Variants in QTMAN observed in about 807,000 individuals in gnomAD.
QTMAN encodes tRNA-queuosine alpha-mannosyltransferase.
chr2:143,951,712 C>T, the QTMAN span, among the ~76,000 whole-genome samples: 2 of 151,270 alleles, frequency 1.3e-5, no homozygotes, highest in Admixed American at 6.6e-5. Flanking sequence ...TTTTATAAGC[C>T]TCTAGGGGCT....
At chr2:144,161,748 A>G in the QTMAN span, among the ~76,000 whole-genome samples, 1 of 152,224 alleles carries the variant, frequency 6.6e-6, no homozygotes. Context: ...TATTATGGCA[A>G]TACCTGTGTA....
chr2:143,942,009 G>T, the QTMAN span: 1 of 159,888 alleles, frequency 6.3e-6, no homozygotes, highest in African/African-American at 2.4e-5. Context: ...TAAATTTTCA[G>T]ATCTAAAGGA....
At chr2:144,124,585 C>T in the QTMAN span, among the ~76,000 whole-genome samples, 2 of 152,068 alleles carry the variant, frequency 1.3e-5, no homozygotes, top group African/African-American at 4.8e-5. Flanking sequence ...GGAGAAGCCA[C>T]CATCACTGGG....
At chr2:143,965,570 A>T in the QTMAN span, among the ~76,000 whole-genome samples, 1 of 152,140 alleles carries the variant, frequency 6.6e-6, no homozygotes, top group Non-Finnish European at 1.5e-5. Flanking sequence ...CACAAATCAG[A>T]GTTTCTCAAT....
the QTMAN span, among the ~76,000 whole-genome samples, chr2:144,318,799 G>A: frequency 1.5e-4 from 23 of 152,124 alleles, no homozygotes; most frequent in African/African-American, 5.6e-4. Context: ...TTATATCTAG[G>A]CTGTAGAGTT....
At chr2:144,268,053 G>T in the QTMAN span, among the ~76,000 whole-genome samples, 1 of 152,182 alleles carries the variant, frequency 6.6e-6, no homozygotes, top group African/African-American at 2.4e-5. Flanking sequence ...GGTGTTGCAG[G>T]TGGGGCCTGA....
At chr2:143,993,571 G>A in the QTMAN span, among the ~76,000 whole-genome samples, 1 of 152,164 alleles carries the variant, frequency 6.6e-6, no homozygotes, top group Non-Finnish European at 1.5e-5. Flanking sequence ...AATGTGACTG[G>A]AGGCAGTGAA....
the QTMAN span, among the ~76,000 whole-genome samples, chr2:144,231,481 TA>T: frequency 6.6e-6 from 1 of 152,108 alleles, no homozygotes; most frequent in Admixed American, 6.5e-5. Flanking sequence ...ATTATATTCC[TA>T]AAAAATATAT....
At chr2:144,231,892 GTT>G in the QTMAN span, among the ~76,000 whole-genome samples, 1 of 132,490 alleles carries the variant, frequency 7.5e-6, no homozygotes, top group Admixed American at 8.0e-5. Context: ...GTGTGTGTGT[GTT>G]ATCTTTACTC....
At chr2:144,202,261 C>T in the QTMAN span, among the ~76,000 whole-genome samples, 3 of 152,250 alleles carry the variant, frequency 2.0e-5, no homozygotes, top group African/African-American at 7.2e-5. Context: ...GTATCTGCAT[C>T]GTAGCTCTAG....
At chr2:144,267,106 T>A in the QTMAN span, among the ~76,000 whole-genome samples, 1 of 152,170 alleles carries the variant, frequency 6.6e-6, no homozygotes, top group East Asian at 1.9e-4. Flanking sequence ...TGGGATCTAT[T>A]CTAAGATGAA....
the QTMAN span, among the ~76,000 whole-genome samples, chr2:143,993,422 G>T: frequency 6.6e-6 from 1 of 152,072 alleles, no homozygotes. Context: ...AAAAGGGGGG[G>T]GGACTTTGCA....
At chr2:143,959,328 G>GA in the QTMAN span, among the ~76,000 whole-genome samples, 1,122 of 145,300 alleles carry the variant, frequency 7.7e-3, 11 homozygotes, top group African/African-American at 0.025. Flanking sequence ...ATGTACTGTG[G>GA]AAAAAAAAAA....
the QTMAN span, among the ~76,000 whole-genome samples, chr2:144,059,409 T>A: frequency 2.6e-5 from 4 of 152,290 alleles, no homozygotes; most frequent in South Asian, 8.3e-4. Context: ...AAGGATAGCA[T>A]CATTCATCCT....
the QTMAN span, among the ~76,000 whole-genome samples, chr2:144,186,247 A>G: frequency 1.3e-5 from 2 of 152,216 alleles, no homozygotes; most frequent in Non-Finnish European, 2.9e-5. Flanking sequence ...ATATTATGCT[A>G]CAATCTGAAG....
At chr2:143,946,956 A>AT in the QTMAN span, 1 of 858,896 alleles carries the variant, frequency 1.2e-6, no homozygotes, top group African/African-American at 1.7e-5. Flanking sequence ...TCCTCTGCAG[A>AT]TTTTCTTTTC....
At chr2:144,219,250 C>T in the QTMAN span, among the ~76,000 whole-genome samples, 1 of 152,126 alleles carries the variant, frequency 6.6e-6, no homozygotes, top group African/African-American at 2.4e-5. Flanking sequence ...GCTGCCTCAC[C>T]CTCCCAAGTA....
At chr2:144,128,904 T>C in the QTMAN span, among the ~76,000 whole-genome samples, 1 of 151,760 alleles carries the variant, frequency 6.6e-6, no homozygotes, top group Non-Finnish European at 1.5e-5. Context: ...TTCAAAAACT[T>C]ATGAATTGTT....
the QTMAN span, chr2:144,177,135 C>T: frequency 1.4e-6 from 1 of 702,280 alleles, no homozygotes; most frequent in Middle Eastern, 2.3e-4. Flanking sequence ...CAGGCCTCAC[C>T]TGCAACATTG....
Sources: allele counts gnomAD v4.1 joint callset (sites outside exome capture counted in the v4.1 genomes callset), GRCh38; gene constraint gnomAD v4.1.1; transcripts MANE v1.5; gene names NCBI Gene and HGNC (gene_info 2026-07-23, HGNC 2026-07-21).